Variants in IRAK1BP1 observed in about 807,000 individuals in gnomAD.
IRAK1BP1 encodes the protein interleukin-1 receptor-associated kinase 1-binding protein 1.
In IRAK1BP1, 24 loss-of-function variants were observed where a neutral mutation model predicts 28.0. The ratio of observed to expected loss-of-function variants is 0.86; its 90% CI spans 0.62 to 1.20. The LOEUF is 1.20. Among genes scored for constraint, IRAK1BP1 ranks in the 50% most tolerant of loss-of-function variants. The pLI is 0.00. For missense variants in IRAK1BP1, 336 were observed against 316.7 expected (o/e 1.06, Z -0.46); for synonymous variants, 131 against 116.3 (o/e 1.13, Z -0.81).
rs1409059913 is a variant in IRAK1BP1, at chr6:78,887,131, C to T, written c.381+1688C>T. 2.0e-5 allele frequency among the ~76,000 whole-genome samples: 3 copies of T among 152,174 alleles called. No homozygotes were observed. In the South Asian group the frequency reaches 6.2e-4, roughly 32 times the overall value. On this transcript the variant is annotated intron_variant, in intron 2 of 3. Transcript: ENST00000369940. Reference sequence around the variant, plus strand: ...TAACACATACCAGTATTCTTAAGTACTGTTAAATATATGGAATGAGATTAG... The same window carrying T: ...TAACACATACCAGTATTCTTAAGTATTGTTAAATATATGGAATGAGATTAG...
At chr6:78,948,566 C>T (rs1292270334), downstream of IRAK1BP1, among the ~76,000 whole-genome samples, 1 of 152,082 alleles carries the variant, frequency 6.6e-6, no homozygotes, top group Middle Eastern at 3.2e-3. Flanking sequence ...GCCATCAAAG[C>T]TCACTGCATC....
At chr6:78,903,328 C>CAAAAAAA (rs199955033), downstream of IRAK1BP1, among the ~76,000 whole-genome samples, 76 of 136,364 alleles carry the variant, frequency 5.6e-4, 1 homozygote, top group South Asian at 6.3e-3. Flanking sequence ...ACTAAAAATA[C>CAAAAAAA]AAAAAAAAAA....
intron 4 of IRAK1BP1, among the ~76,000 whole-genome samples, chr6:78,929,576 T>C (rs1772985926): frequency 3.9e-5 from 6 of 152,180 alleles, no homozygotes; most frequent in Admixed American, 3.9e-4. Flanking sequence ...ATTGAAAAAC[T>C]ATGGGTACTA....
At chr6:78,949,849 C>T (rs192073257), downstream of IRAK1BP1, among the ~76,000 whole-genome samples, 132 of 152,096 alleles carry the variant, frequency 8.7e-4, 1 homozygote, top group Middle Eastern at 0.027. Context: ...CCACTGCACC[C>T]GGTTAATTTT....
intron 4 of IRAK1BP1, chr6:78,940,045 A>G (rs958668547): frequency 2.2e-5 from 3 of 135,176 alleles, no homozygotes; most frequent in Non-Finnish European, 4.8e-5. Context: ...TCCAATGTGG[A>G]TATGTTTCCC....
chr6:78,945,159 T>C (rs898504619), intron 4 of IRAK1BP1: 16 of 638,804 alleles, frequency 2.5e-5, no homozygotes, highest in African/African-American at 1.1e-4. Context: ...TAATAGCTCA[T>C]TGCAGTAAAT....
chr6:78,964,066 A>C, the IRAK1BP1 span, among the ~76,000 whole-genome samples: 2 of 152,224 alleles, frequency 1.3e-5, no homozygotes, highest in African/African-American at 4.8e-5. Flanking sequence ...AACTGGCTGC[A>C]TTGCTATCAT....
intron 4 of IRAK1BP1, among the ~76,000 whole-genome samples, chr6:78,914,130 T>G (rs1428653988): frequency 6.6e-6 from 1 of 152,144 alleles, no homozygotes; most frequent in Non-Finnish European, 1.5e-5. Flanking sequence ...ATTAGCACAT[T>G]AATAAATTAA....
In IRAK1BP1 at chr6:78,903,019, C is replaced by A; in HGVS notation, c.*4685C>A. On this transcript the variant is annotated 3_prime_UTR_variant, in exon 4 of 4. Transcript: ENST00000369940. ...ACTCCTGGAATCCTTCTTCAACATC[C>A]CAACCAACAATTACTCCCAGATAGC... 6.6e-7 allele frequency: 1 copy of A among 1,524,298 alleles called. No individual in the cohort carries two copies. The highest frequency in any genetic ancestry group is 8.8e-7 in the Non-Finnish European group (1 of 1,139,494). The allele number at this position is 1,524,298 out of a possible 1,614,324, so 94.4% of individuals were successfully genotyped here. A position where few individuals can be genotyped will look rare whatever the true frequency, so the allele number is the denominator to read the frequency against.
At chr6:78,970,917 C>T in the IRAK1BP1 span, 2 of 1,473,376 alleles carry the variant, frequency 1.4e-6, no homozygotes. Flanking sequence ...ATCTTACAAC[C>T]TGGATGTGTT....
At chr6:78,945,263 A>T in intron 4 of IRAK1BP1, 1 of 1,367,788 alleles carries the variant, frequency 7.3e-7, no homozygotes, top group Non-Finnish European at 1.0e-6. Context: ...TATAATAAGG[A>T]TCTACTGTAT....
Position 78,897,885 on chromosome 6 carries a change from T to C in IRAK1BP1, c.438T>C (p.Val146=). Reference sequence around the variant, plus strand: ...TGCAAAATATTTGTAACTTTCTTGTTGAAAAGCTAGATAGCTCTGTTGTCA... The same window carrying C: ...TGCAAAATATTTGTAACTTTCTTGTCGAAAAGCTAGATAGCTCTGTTGTCA... The part of the protein sequence containing the change: ...GKMQNICNFL[V]EKLDSSVVIS... The change falls in exon 3 of 4, where the codon GTT becomes GTC. Residue 146 remains valine, a synonymous_variant. Transcript: ENST00000369940. The C allele has an allele frequency of 6.2e-7, 1 of 1,613,880 alleles. No homozygotes were observed. Among genetic ancestry groups the C allele is most frequent in the Middle Eastern group, 1.6e-4 (1 of 6,062 alleles).
downstream of IRAK1BP1, among the ~76,000 whole-genome samples, chr6:78,907,837 A>G (rs1307792360): frequency 6.6e-6 from 1 of 151,342 alleles, no homozygotes; most frequent in East Asian, 1.9e-4. Flanking sequence ...CTTCTGCCTC[A>G]GCCTCCCCAG....
downstream of IRAK1BP1, chr6:78,946,784 T>C (rs1562115045): frequency 3.1e-6 from 5 of 1,593,862 alleles, no homozygotes; most frequent in Non-Finnish European, 4.3e-6. Flanking sequence ...GTATTTCTTT[T>C]ATGAAAACGA....
At chr6:78,929,746 A>T (rs1236086759) in intron 4 of IRAK1BP1, among the ~76,000 whole-genome samples, 1 of 152,198 alleles carries the variant, frequency 6.6e-6, no homozygotes. Context: ...TAATATAAGC[A>T]TACATTTAAT....
the IRAK1BP1 span, among the ~76,000 whole-genome samples, chr6:78,959,983 G>A: frequency 6.6e-6 from 1 of 152,106 alleles, no homozygotes; most frequent in South Asian, 2.1e-4. Flanking sequence ...GCAATCAACT[G>A]TACAATACAC....
chr6:78,925,010 C>T (rs1772848235), intron 4 of IRAK1BP1, among the ~76,000 whole-genome samples: 2 of 152,104 alleles, frequency 1.3e-5, no homozygotes, highest in Non-Finnish European at 2.9e-5. Context: ...GAGTTCATGT[C>T]CTTTGTAGGG....
At chr6:78,947,486 C>A (rs1773891307), downstream of IRAK1BP1, 5 of 539,434 alleles carry the variant, frequency 9.3e-6, no homozygotes, top group South Asian at 1.1e-4. Flanking sequence ...GGTATAATTT[C>A]TTTTTCCAGT....
At chr6:78,951,481 TA>T in the IRAK1BP1 span, among the ~76,000 whole-genome samples, 3 of 152,328 alleles carry the variant, frequency 2.0e-5, no homozygotes, top group South Asian at 6.2e-4. Flanking sequence ...CTGCCTTAAA[TA>T]TTCCACTAAA....
Sources: gnomAD v4.1 joint callset for allele counts (sites outside exome capture counted in the v4.1 genomes callset) on GRCh38, gnomAD v4.1.1 for gene constraint, MANE v1.5 for transcripts, NCBI Gene and HGNC (gene_info 2026-07-23, HGNC 2026-07-21) for gene names.